GDAP1L1: variants seen among roughly 807,000 people sequenced by gnomAD.
GDAP1L1 encodes ganglioside-induced differentiation-associated protein 1-like 1.
A neutral mutation model predicts 37.1 loss-of-function variants in GDAP1L1; 21 were observed. The observed-to-expected ratio is 0.57, with a 90% CI of 0.40 to 0.81. GDAP1L1 has a LOEUF of 0.81. Ranked by LOEUF, GDAP1L1 falls within the 40% of genes least tolerant of loss-of-function variation. The pLI, the probability that GDAP1L1 is intolerant of heterozygous loss-of-function variation, is 0.00. For synonymous variants in GDAP1L1, 193 were observed against 209.1 expected (o/e 0.92, Z 0.67); for missense variants, 362 against 491.6 (o/e 0.74, Z 2.49).
chr20:44,257,609 C>G (rs1257278965), intron 2 of GDAP1L1, among the ~76,000 whole-genome samples: 1 of 151,350 alleles, frequency 6.6e-6, no homozygotes, highest in East Asian at 2.0e-4. Context: ...CAGACACCCC[C>G]CCACCAGGAG....
chr20:44,250,866 C>A (rs891265737), intron 1 of GDAP1L1, among the ~76,000 whole-genome samples: 2 of 152,188 alleles, frequency 1.3e-5, no homozygotes, highest in African/African-American at 4.8e-5. Flanking sequence ...GGTTCTAGTG[C>A]TGCCAGTCCC....
intron 1 of GDAP1L1, among the ~76,000 whole-genome samples, chr20:44,252,220 T>C (rs1260650181): frequency 6.6e-6 from 1 of 152,236 alleles, no homozygotes; most frequent in Non-Finnish European, 1.5e-5. Context: ...AAAGATCCTG[T>C]GCACAACCCG....
chr20:44,261,560 T>G (rs73906998), intron 3 of GDAP1L1, among the ~76,000 whole-genome samples: 2,135 of 152,264 alleles, frequency 0.014, 49 homozygotes, highest in African/African-American at 0.049. Context: ...GAATCTGACA[T>G]AGCCACTGCT....
intron 1 of GDAP1L1, among the ~76,000 whole-genome samples, chr20:44,254,694 G>T (rs1462451041): frequency 6.6e-6 from 1 of 152,132 alleles, no homozygotes; most frequent in Admixed American, 6.5e-5. Context: ...CCTAGCCCAG[G>T]GTCTCTACCT....
At position 44,258,325 on chromosome 20, in the gene GDAP1L1, G is replaced by A. The variant is rs2073603100; in HGVS notation, c.374-109G>A. ...AGCAGCCAAGCCCGAGCATGGGGGT[G>A]CCCAGGGCCTCTGGGCAGAGACATC... On this transcript the variant is annotated intron_variant, in intron 2 of 5. Coordinates refer to ENST00000342560, the MANE Select transcript of GDAP1L1 (RefSeq NM_024034.6). 3 of 1,080,748 alleles carry A rather than the reference G, an allele frequency of 2.8e-6. No individual in the cohort carries two copies. In the African/African-American group the frequency reaches 4.7e-5, roughly 17 times the overall value. 66.9% of individuals were successfully genotyped at this position (1,080,748 alleles called of 1,614,324 possible).
At chr20:44,267,737 G>A (rs1290295739) in intron 5 of GDAP1L1, among the ~76,000 whole-genome samples, 1 of 152,170 alleles carries the variant, frequency 6.6e-6, no homozygotes, top group Admixed American at 6.5e-5. Context: ...CAGTACAGAA[G>A]TGTTCATATA....
chr20:44,257,204 A>G lies in GDAP1L1; in HGVS notation c.232A>G (p.Ser78Gly). Residue 78 changes from serine (S) to glycine (G), a missense_variant, in exon 2 of 6, where the codon AGC (serine) becomes GGC (glycine). This residue lies in a region of GDAP1L1 where 277 missense variants were observed against 337.1 expected (regional missense o/e 0.82). Transcript: ENST00000342560. ...KGLVCEERDV[S>G]LPQSEHKEPW... is the part of the protein sequence containing the mutation. ...CCTGGTGTGCGAGGAGCGGGACGTG[A>G]GCCTGCCACAGAGCGAGCACAAGGA... The G allele has an allele frequency of 6.2e-7, 1 of 1,610,320 alleles. No individual in the cohort carries two copies.
chr20:44,255,638 G>T (rs1020280970), intron 1 of GDAP1L1, among the ~76,000 whole-genome samples: 6 of 149,216 alleles, frequency 4.0e-5, no homozygotes, highest in Admixed American at 2.7e-4. Flanking sequence ...AAACAACACC[G>T]TTCAGGTTCT....
At chr20:44,253,432 T>C (rs1363201028) in intron 1 of GDAP1L1, among the ~76,000 whole-genome samples, 1 of 152,188 alleles carries the variant, frequency 6.6e-6, no homozygotes, top group Admixed American at 6.5e-5. Context: ...TGAAATAAAC[T>C]GAGGTCAGAG....
intron 5 of GDAP1L1, among the ~76,000 whole-genome samples, chr20:44,275,330 A>G (rs1041962711): frequency 6.6e-6 from 1 of 152,180 alleles, no homozygotes; most frequent in African/African-American, 2.4e-5. Flanking sequence ...TGCCCAGCAC[A>G]TACTGCCAGG....
chr20:44,254,861 G>A (rs139765388), intron 1 of GDAP1L1, among the ~76,000 whole-genome samples: 2 of 152,272 alleles, frequency 1.3e-5, no homozygotes, highest in East Asian at 1.9e-4. Flanking sequence ...GGGGCATGAA[G>A]TACTCTAGGA....
intron 5 of GDAP1L1, among the ~76,000 whole-genome samples, chr20:44,274,589 G>A (rs1213105093): frequency 2.0e-5 from 3 of 152,190 alleles, no homozygotes; most frequent in East Asian, 3.9e-4. Context: ...TCTCCTCTTC[G>A]GAACCCTGTC....
At chr20:44,261,760 A>G (rs955326282) in intron 3 of GDAP1L1, among the ~76,000 whole-genome samples, 1 of 152,218 alleles carries the variant, frequency 6.6e-6, no homozygotes, top group Non-Finnish European at 1.5e-5. Flanking sequence ...CCCTGGCAGA[A>G]GTCTGTAGGG....
chr20:44,266,795 A>G (rs992735570), intron 5 of GDAP1L1, among the ~76,000 whole-genome samples: 5 of 152,114 alleles, frequency 3.3e-5, no homozygotes, highest in African/African-American at 7.2e-5. Context: ...TCTTCATTTT[A>G]AGGTAATTAT....
chr20:44,260,798 G>A (rs1188337672), intron 3 of GDAP1L1, among the ~76,000 whole-genome samples: 5 of 152,186 alleles, frequency 3.3e-5, no homozygotes, highest in African/African-American at 4.8e-5. Flanking sequence ...GGAAATGGTC[G>A]TGGTGTGTGT....
At chr20:44,270,191 G>C (rs1447779597) in intron 5 of GDAP1L1, among the ~76,000 whole-genome samples, 3 of 99,520 alleles carry the variant, frequency 3.0e-5, no homozygotes, top group Non-Finnish European at 5.7e-5. Context: ...TTTTTTTTGA[G>C]ACGGAGTCTC....
At position 44,263,187 on chromosome 20, in the gene GDAP1L1, C is replaced by T. The variant is rs374292753; in HGVS notation, c.548-43C>T. On this transcript the variant is annotated intron_variant, in intron 3 of 5. Coordinates refer to ENST00000342560, the MANE Select transcript of GDAP1L1 (RefSeq NM_024034.6). ...TGTAAGGCAGGTGATGGGGGAGCAA[C>T]CAAGGTATCAGAGGGATGGGACCTT... The T allele has an allele frequency of 7.3e-5, 111 of 1,514,142 alleles. 1 individual carries two copies. Among genetic ancestry groups the T allele is most frequent in the Middle Eastern group, 1.7e-4 (1 of 5,876 alleles). The allele number at this position is 1,514,142 out of a possible 1,614,324, so 93.8% of individuals were successfully genotyped here. A position where few individuals can be genotyped will look rare whatever the true frequency, so the allele number is the denominator to read the frequency against.
intron 1 of GDAP1L1, among the ~76,000 whole-genome samples, 164 bp from the exon 2 acceptor site, chr20:44,256,989 G>A (rs1433751884): frequency 1.3e-5 from 2 of 152,120 alleles, no homozygotes; most frequent in East Asian, 1.9e-4. Context: ...ACATGCCCCT[G>A]GGAGATATCC....
chr20:44,272,570 C>T (rs1190278040), intron 5 of GDAP1L1, among the ~76,000 whole-genome samples: 4 of 152,264 alleles, frequency 2.6e-5, no homozygotes, highest in South Asian at 2.1e-4. Flanking sequence ...ATTGTGAGAT[C>T]GCCTCCAGCT....
Sources: allele counts gnomAD v4.1 joint callset (sites outside exome capture counted in the v4.1 genomes callset), GRCh38; gene constraint gnomAD v4.1.1; regional missense constraint gnomAD v4.1.1; transcripts MANE v1.5; gene names NCBI Gene and HGNC (gene_info 2026-07-23, HGNC 2026-07-21).